Variants in DIP2C observed in about 807,000 individuals in gnomAD.
DIP2C encodes the protein disco-interacting protein 2 homolog C.
In DIP2C, 33 loss-of-function variants were observed where a neutral mutation model predicts 192.4. The observed-to-expected ratio is 0.17, with a 90% CI of 0.13 to 0.23. DIP2C has a LOEUF of 0.23. Among genes scored for constraint, DIP2C ranks in the 10% least tolerant of loss-of-function variants. The probability of loss-of-function intolerance (pLI) is 1.00; values close to 1 mark genes in which losing one functional copy is unlikely to be tolerated. For synonymous variants in DIP2C, 979 were observed against 864.1 expected, an observed-to-expected ratio of 1.13 and a Z score of -2.33; for missense variants, 1,537 against 2,110.1, an observed-to-expected ratio of 0.73 and a Z score of 5.32.
At chr10:418,601 G>A (rs527687926) in intron 6 of DIP2C, among the ~76,000 whole-genome samples, 263 of 152,334 alleles carry the variant, frequency 1.7e-3, no homozygotes, top group African/African-American at 5.6e-3. Flanking sequence ...CCAAGTCACC[G>A]ATATCTCTGT....
At chr10:564,199 C>A (rs1029873115) in intron 1 of DIP2C, among the ~76,000 whole-genome samples, 1 of 152,104 alleles carries the variant, frequency 6.6e-6, no homozygotes, top group Non-Finnish European at 1.5e-5. Flanking sequence ...AGCAGGCCCT[C>A]GGGGGAGAAC....
chr10:363,327 A>G lies in DIP2C; in HGVS notation c.2478-16T>C. ...CACGGCTATCCTGCGGGGACACAGG[A>G]GCATGGTGAGCACGCGCCGGGGACG... On this transcript the variant is annotated splice_polypyrimidine_tract_variant and intron_variant, in intron 20 of 36. Coordinates refer to ENST00000280886, the MANE Select transcript of DIP2C (RefSeq NM_014974.3). The surrounding 1 kb of genome is among the most constrained non-coding windows in gnomAD (Gnocchi z 5.4). The G allele has an allele frequency of 6.2e-7, 1 of 1,607,190 alleles. No individual in the cohort carries two copies. The highest frequency in any genetic ancestry group is 8.5e-7 in the Non-Finnish European group (1 of 1,178,398).
rs192393467 is a variant in DIP2C, at chr10:647,523, G to A, written c.85+41971C>T. On this transcript the variant is annotated intron_variant, in intron 1 of 36. Coordinates refer to ENST00000280886, the MANE Select transcript of DIP2C (RefSeq NM_014974.3). Reference sequence around the variant, plus strand: ...GCGAGAACAGGGAAACTGAGTCCACGTCCACATTGGATGGTGGGAGAGAAC... The same window carrying A: ...GCGAGAACAGGGAAACTGAGTCCACATCCACATTGGATGGTGGGAGAGAAC... Among the ~76,000 whole-genome samples, 791 of 144,772 alleles carry A rather than the reference G, an allele frequency of 5.5e-3. 7 individuals carry two copies. Among genetic ancestry groups the A allele is most frequent in the African/African-American group, 0.019 (746 of 38,486 alleles). 95.0% of individuals were successfully genotyped at this position (144,772 alleles called of 152,430 possible).
chr10:577,983 G>A (rs1020463235), intron 1 of DIP2C, among the ~76,000 whole-genome samples: 1 of 151,882 alleles, frequency 6.6e-6, no homozygotes, highest in Non-Finnish European at 1.5e-5. Flanking sequence ...CTCCATCAAG[G>A]GTGAAATTCC....
At chr10:440,187 A>C (rs1967614805) in intron 4 of DIP2C, among the ~76,000 whole-genome samples, 1 of 152,254 alleles carries the variant, frequency 6.6e-6, no homozygotes, top group Admixed American at 6.5e-5. Context: ...AAATAAAAGC[A>C]GTATTACATA....
At chr10:517,734 A>T (rs1846449315) in intron 1 of DIP2C, among the ~76,000 whole-genome samples, 1 of 152,216 alleles carries the variant, frequency 6.6e-6, no homozygotes, top group South Asian at 2.1e-4. Context: ...GACGGCTTAC[A>T]AACACAAGTA....
At chr10:355,295 G>A (rs966897285) in intron 24 of DIP2C, among the ~76,000 whole-genome samples, 4 of 152,216 alleles carry the variant, frequency 2.6e-5, no homozygotes, top group South Asian at 2.1e-4. Context: ...GACGACACGC[G>A]CTTCTCTGGC....
chr10:518,774 G>A (rs1399652698), intron 1 of DIP2C, among the ~76,000 whole-genome samples: 1 of 152,218 alleles, frequency 6.6e-6, no homozygotes, highest in African/African-American at 2.4e-5. Flanking sequence ...GTCCTACAGA[G>A]ATGGCTACTC....
chr10:583,703 G>A (rs1429048332), intron 1 of DIP2C, among the ~76,000 whole-genome samples: 2 of 152,114 alleles, frequency 1.3e-5, no homozygotes, highest in Non-Finnish European at 2.9e-5. Flanking sequence ...GTTCTGCCAC[G>A]GTCATCCTCC....
chr10:584,406 CCT>C (rs1017988319), intron 1 of DIP2C, among the ~76,000 whole-genome samples: 7 of 151,250 alleles, frequency 4.6e-5, no homozygotes, highest in African/African-American at 1.7e-4. Flanking sequence ...ACGCGCATCA[CCT>C]CTCAATCTCG....
intron 32 of DIP2C, among the ~76,000 whole-genome samples, chr10:308,277 G>A (rs566060775): frequency 9.4e-5 from 14 of 149,712 alleles, no homozygotes; most frequent in African/African-American, 3.1e-4. Flanking sequence ...GACGGTCAGC[G>A]GCGTGGGTGC....
intron 32 of DIP2C, among the ~76,000 whole-genome samples, chr10:294,620 A>G (rs567993832): frequency 1.3e-5 from 2 of 152,176 alleles, no homozygotes; most frequent in East Asian, 3.9e-4. Flanking sequence ...AAAGAGAAGA[A>G]AAAAATGCAT....
intron 4 of DIP2C, among the ~76,000 whole-genome samples, chr10:423,562 T>C (rs563729062): frequency 9.2e-5 from 14 of 152,126 alleles, no homozygotes; most frequent in African/African-American, 3.1e-4. Flanking sequence ...TTTATTTCTA[T>C]GTCAGTGTGT....
Position 327,261 on chromosome 10 carries a change from G to T in DIP2C, c.3754-85C>A, listed in dbSNP as rs563753262. 2.1e-6 allele frequency: 3 copies of T among 1,462,482 alleles called. No homozygotes were observed. In the African/African-American group the frequency reaches 4.2e-5, roughly 21 times the overall value. The allele number at this position is 1,462,482 out of a possible 1,614,324, so 90.6% of individuals were successfully genotyped here. On this transcript the variant is annotated intron_variant, in intron 30 of 36. Transcript: ENST00000280886. ...GAGACTCCTTCCCACAGATCCCCAC[G>T]TAAACATTGGAAAACTCAACACAGC...
chr10:414,029 G>A lies in DIP2C; in HGVS notation c.941C>T (p.Thr314Met). 4.3e-6 allele frequency: 7 copies of A among 1,614,152 alleles called. 1 individual carries two copies. The highest frequency in any genetic ancestry group is 5.9e-6 in the Non-Finnish European group (7 of 1,180,000). ...GGCCTCCAGCGACGGCGGCCAGTTCGTGACCACGCCCAGCTGCTCTCCGCG... is the reference window on the plus strand; with the variant it reads ...GGCCTCCAGCGACGGCGGCCAGTTCATGACCACGCCCAGCTGCTCTCCGCG... ...AMRGEQLGVV[T>M]NWPPSLEAAL... Residue 314 changes from threonine to methionine, a missense_variant, in exon 8 of 37, where the codon ACG becomes ATG. Physicochemically the swap from Thr to Met is moderately conservative, Grantham distance 81. Coordinates refer to ENST00000280886, the MANE Select transcript of DIP2C (RefSeq NM_014974.3).
intron 1 of DIP2C, among the ~76,000 whole-genome samples, chr10:606,609 A>AATTCTCATTGGTTGGGAGGG (rs1216056117): frequency 8.6e-5 from 13 of 151,700 alleles, no homozygotes; most frequent in African/African-American, 3.1e-4. Flanking sequence ...CTGTGATCCG[A>AATTCTCATTGGTTGGGAGGG]ATTCTCATTG....
In DIP2C at chr10:470,461, A is replaced by AGAGGT. The variant is rs570999522; in HGVS notation, c.268+1973_268+1977dup. ...CTCTTCCACACCTTCCTGCCTTTGAAGAGGTGAGGTAAGGTGCACGGATGA... is the reference window on the plus strand; with the variant it reads ...CTCTTCCACACCTTCCTGCCTTTGAAGAGGTGAGGTGAGGTAAGGTGCACGGATGA... On this transcript the variant is annotated intron_variant, in intron 3 of 36. Coordinates refer to ENST00000280886, the MANE Select transcript of DIP2C (RefSeq NM_014974.3). Among the ~76,000 whole-genome samples, 115 of 152,264 alleles carry AGAGGT rather than the reference A, an allele frequency of 7.6e-4. 1 individual carries two copies. Among genetic ancestry groups the AGAGGT allele is most frequent in the African/African-American group, 2.6e-3 (110 of 41,542 alleles).
intron 2 of DIP2C, among the ~76,000 whole-genome samples, chr10:481,985 C>T (rs1205035437): frequency 2.6e-5 from 4 of 152,180 alleles, no homozygotes; most frequent in Non-Finnish European, 5.9e-5. Context: ...GGAGACTTAG[C>T]GTTTAGTAAC....
At chr10:375,727 C>T (rs1961490116) in intron 17 of DIP2C, among the ~76,000 whole-genome samples, 1 of 152,178 alleles carries the variant, frequency 6.6e-6, no homozygotes, top group African/African-American at 2.4e-5. Flanking sequence ...TTGGGACATT[C>T]ACACAAAACA....
Sources: allele counts gnomAD v4.1 joint callset (sites outside exome capture counted in the v4.1 genomes callset), GRCh38; gene constraint gnomAD v4.1.1; non-coding constraint Gnocchi (gnomAD v3.1); transcripts MANE v1.5; gene names NCBI Gene and HGNC (gene_info 2026-07-23, HGNC 2026-07-21).